The following FRMPD1 variants were observed in gnomAD, a reference collection of about 807,000 sequenced individuals.
FRMPD1 encodes FERM and PDZ domain containing 1.
In FRMPD1, 76 loss-of-function variants were observed where a neutral mutation model predicts 117.8. That is an observed-to-expected ratio of 0.65 (90% CI 0.54 to 0.78). The LOEUF (loss-of-function observed/expected upper bound fraction) is 0.78. Ranked by LOEUF, FRMPD1 falls within the 30% of genes least tolerant of loss-of-function variation. The pLI, the probability that FRMPD1 is intolerant of heterozygous loss-of-function variation, is 0.00. For missense variants in FRMPD1, 1,786 were observed against 1,964.5 expected, an observed-to-expected ratio of 0.91 and a Z score of 1.72; for synonymous variants, 783 against 770.4, an observed-to-expected ratio of 1.02 and a Z score of -0.27.
chr9:37,650,329 TAG>T (rs2119347974), upstream of FRMPD1, among the ~76,000 whole-genome samples: 1 of 152,220 alleles, frequency 6.6e-6, no homozygotes, highest in South Asian at 2.1e-4. Flanking sequence ...TCCGGCATTT[TAG>T]AGCTTCTGGT....
intron 1 of FRMPD1, among the ~76,000 whole-genome samples, chr9:37,664,089 C>T (rs1192560829): frequency 6.6e-6 from 1 of 151,440 alleles, no homozygotes; most frequent in Admixed American, 6.6e-5. Context: ...AAATGAATAA[C>T]TGAATAAATG....
chr9:37,606,181 G>A, the FRMPD1 span, among the ~76,000 whole-genome samples: 27 of 152,294 alleles, frequency 1.8e-4, no homozygotes, highest in Non-Finnish European at 3.5e-4. Flanking sequence ...TGGCAGTAGA[G>A]ATGGTTGGAT....
intron 1 of FRMPD1, among the ~76,000 whole-genome samples, chr9:37,679,526 C>T (rs1278752478): frequency 6.6e-6 from 1 of 152,220 alleles, no homozygotes; most frequent in Non-Finnish European, 1.5e-5. Context: ...ATCACTCCTC[C>T]ATGCCCTGTT....
intron 1 of FRMPD1, among the ~76,000 whole-genome samples, chr9:37,687,328 G>T (rs1381684416): frequency 6.6e-6 from 1 of 152,166 alleles, no homozygotes; most frequent in South Asian, 2.1e-4. Flanking sequence ...AACCATGATC[G>T]TGTGGGCCAC....
intron 1 of FRMPD1, among the ~76,000 whole-genome samples, chr9:37,689,489 T>G (rs1337008898): frequency 1.3e-5 from 2 of 152,142 alleles, no homozygotes; most frequent in African/African-American, 4.8e-5. Context: ...ACTTATCCAT[T>G]TCTATTTCTT....
chr9:37,698,165 G>A (rs757033125), intron 2 of FRMPD1, among the ~76,000 whole-genome samples: 5 of 152,042 alleles, frequency 3.3e-5, no homozygotes, highest in East Asian at 1.9e-4. Flanking sequence ...CTTTTCCTTC[G>A]CAATTTCTTT....
intron 14 of FRMPD1, 143 bp downstream of exon 14, chr9:37,737,386 T>C: frequency 3.0e-6 from 2 of 657,220 alleles, no homozygotes; most frequent in Non-Finnish European, 5.2e-6. Context: ...GTTTATTTCC[T>C]AGTAAACAAT....
chr9:37,719,291 G>C lies in FRMPD1; in HGVS notation c.516+115G>C. The stretch of plus-strand genomic sequence containing the variant: ...AGAGGGTGCAGAGGAAGTGCAGTGT[G>C]TTTGCAAGAGGCTTTGTGCGCCCTC... On this transcript the variant is annotated intron_variant, in intron 6 of 15. Coordinates refer to ENST00000377765, the MANE Select transcript of FRMPD1 (RefSeq NM_014907.3). The C allele has an allele frequency of 7.2e-6, 5 of 694,078 alleles. No homozygotes were observed. In the South Asian group the frequency reaches 7.6e-5, roughly 11 times the overall value. 43.0% of individuals were successfully genotyped at this position (694,078 alleles called of 1,614,324 possible).
At chr9:37,736,168 T>G (rs1165132530) in intron 13 of FRMPD1, among the ~76,000 whole-genome samples, 1 of 151,806 alleles carries the variant, frequency 6.6e-6, no homozygotes, top group African/African-American at 2.4e-5. Flanking sequence ...GCCCGGCTAA[T>G]GTTTTGTATT....
In FRMPD1 at chr9:37,666,693, G is replaced by A. The variant is rs927890374; in HGVS notation, c.-5+15599G>A. On this transcript the variant is annotated intron_variant, in intron 1 of 15. Coordinates refer to ENST00000377765, the MANE Select transcript of FRMPD1 (RefSeq NM_014907.3). ...GGTGTTCTACTAGCCTCTCTGCACT[G>A]GTCCTTACTCTTTTTTACTTTGTAT... 2.6e-5 allele frequency among the ~76,000 whole-genome samples: 4 copies of A among 152,218 alleles called. No homozygotes were observed. The South Asian group carries it at 6.2e-4, about 24-fold the overall frequency.
At chr9:37,737,823 T>TA (rs35965958) in intron 14 of FRMPD1, among the ~76,000 whole-genome samples, 2,259 of 106,160 alleles carry the variant, frequency 0.021, 54 homozygotes, top group African/African-American at 0.061. Context: ...AACTCCATCT[T>TA]AAAAAAAAAA....
Position 37,704,958 on chromosome 9 carries a change from A to G in FRMPD1, c.102-2458A>G, listed in dbSNP as rs147778673. Among the ~76,000 whole-genome samples, 313 of 152,156 alleles carry G rather than the reference A, an allele frequency of 2.1e-3. 1 individual carries two copies. The highest frequency in any genetic ancestry group is 7.1e-3 in the African/African-American group (294 of 41,518). The stretch of plus-strand genomic sequence containing the variant: ...TTTAAATAAATCCTTCTTCCCCTGA[A>G]TTACATTAGTACACATCACTAGTTT... On this transcript the variant is annotated intron_variant, in intron 2 of 15. Transcript: ENST00000377765.
At chr9:37,713,974 A>T (rs977122082) in intron 5 of FRMPD1, among the ~76,000 whole-genome samples, 4 of 152,200 alleles carry the variant, frequency 2.6e-5, no homozygotes, top group Non-Finnish European at 4.4e-5. Flanking sequence ...AAGCAGAGAA[A>T]GTGTTGTCTC....
the FRMPD1 span, among the ~76,000 whole-genome samples, chr9:37,607,091 G>T: frequency 6.6e-6 from 1 of 152,176 alleles, no homozygotes; most frequent in Non-Finnish European, 1.5e-5. Context: ...GGGGCGGGTG[G>T]ATCACCTGAG....
At chr9:37,637,922 CGGT>C in the FRMPD1 span, among the ~76,000 whole-genome samples, 12,487 of 127,320 alleles carry the variant, frequency 0.098, 1,979 homozygotes, top group East Asian at 0.55. Flanking sequence ...CCCACAACAA[CGGT>C]GGGATTTTAA....
At chr9:37,635,574 C>T in the FRMPD1 span, among the ~76,000 whole-genome samples, 13 of 152,246 alleles carry the variant, frequency 8.5e-5, no homozygotes, top group South Asian at 6.2e-4. Context: ...AACCTGGGAG[C>T]GGGGGGCACC....
At chr9:37,641,573 C>G in the FRMPD1 span, among the ~76,000 whole-genome samples, 1 of 152,200 alleles carries the variant, frequency 6.6e-6, no homozygotes, top group Non-Finnish European at 1.5e-5. Context: ...GAACATCCCC[C>G]TCTGATTCAA....
rs538778203 is a variant in FRMPD1, at chr9:37,711,107, C to T, written c.363-243C>T. On this transcript the variant is annotated intron_variant, in intron 4 of 15. Transcript: ENST00000377765. ...AGACTAGATGGTAGAGGTGAACTTA[C>T]GAAAATTCCCTCCAGGTGGGAGGAG... 2.6e-5 allele frequency among the ~76,000 whole-genome samples: 4 copies of T among 152,160 alleles called. No individual in the cohort carries two copies. The East Asian group carries it at 5.8e-4, about 22-fold the overall frequency.
intron 5 of FRMPD1, among the ~76,000 whole-genome samples, chr9:37,711,691 A>G (rs1822916054): frequency 6.6e-6 from 1 of 152,214 alleles, no homozygotes; most frequent in African/African-American, 2.4e-5. Flanking sequence ...GTTTCAAGAC[A>G]GGTTTGAGTG....
Sources: allele counts gnomAD v4.1 joint callset (sites outside exome capture counted in the v4.1 genomes callset), GRCh38; gene constraint gnomAD v4.1.1; transcripts MANE v1.5; gene names NCBI Gene and HGNC (gene_info 2026-07-23, HGNC 2026-07-21).